The following DLG2 variants were observed in gnomAD, a reference collection of about 807,000 sequenced individuals.
DLG2 encodes the protein discs large MAGUK scaffold protein 2.
A neutral mutation model predicts 132.5 loss-of-function variants in DLG2; 45 were observed. That is an observed-to-expected ratio of 0.34 (90% CI 0.27 to 0.44). DLG2 has a LOEUF of 0.44. Ranked by LOEUF, DLG2 falls within the 20% of genes least tolerant of loss-of-function variation. The probability of loss-of-function intolerance (pLI) is 1.00; values close to 1 mark genes in which losing one functional copy is unlikely to be tolerated. For missense variants in DLG2, 1,045 were observed against 1,196.9 expected (o/e 0.87, Z 1.87); for synonymous variants, 424 against 419.6 (o/e 1.01, Z -0.13).
chr11:83,463,800 G>T (rs2090510791), intron 26 of DLG2, among the ~76,000 whole-genome samples: 1 of 152,176 alleles, frequency 6.6e-6, no homozygotes, highest in Non-Finnish European at 1.5e-5. Flanking sequence ...CTCAAAGAAA[G>T]AAATCACATA....
At chr11:83,905,779 C>T (rs2154103926) in intron 15 of DLG2, among the ~76,000 whole-genome samples, 1 of 152,226 alleles carries the variant, frequency 6.6e-6, no homozygotes, top group South Asian at 2.1e-4. Flanking sequence ...TTGCTTTTTA[C>T]ATCTTAATGG....
intron 3 of DLG2, among the ~76,000 whole-genome samples, chr11:85,447,099 T>C (rs2092045138): frequency 6.6e-6 from 1 of 152,154 alleles, no homozygotes; most frequent in South Asian, 2.1e-4. Context: ...GTACAGAAGT[T>C]CTAATCTGCC....
At chr11:84,714,623 T>TCTC (rs2060950060) in intron 6 of DLG2, among the ~76,000 whole-genome samples, 3 of 104,992 alleles carry the variant, frequency 2.9e-5, no homozygotes, top group Admixed American at 9.2e-5. Flanking sequence ...CTCTTTCTCT[T>TCTC]TCTCTCTCTC....
At chr11:84,535,800 G>C (rs1030984439) in intron 6 of DLG2, among the ~76,000 whole-genome samples, 1 of 152,096 alleles carries the variant, frequency 6.6e-6, no homozygotes, top group Non-Finnish European at 1.5e-5. Flanking sequence ...GTGTTAGTTT[G>C]CTTTACTTTG....
At chr11:83,625,329 A>T (rs2062329917) in intron 19 of DLG2, among the ~76,000 whole-genome samples, 1 of 152,230 alleles carries the variant, frequency 6.6e-6, no homozygotes. Context: ...AGCAGCTTGT[A>T]CCACTGGAGT....
At chr11:85,177,365 T>C (rs996000867) in intron 4 of DLG2, among the ~76,000 whole-genome samples, 2 of 151,932 alleles carry the variant, frequency 1.3e-5, no homozygotes, top group Non-Finnish European at 2.9e-5. Flanking sequence ...ATCATGTCCT[T>C]TGCAGGGACA....
chr11:83,685,599 G>C (rs1292730089), intron 18 of DLG2, among the ~76,000 whole-genome samples: 2 of 152,000 alleles, frequency 1.3e-5, no homozygotes, highest in Admixed American at 6.6e-5. Flanking sequence ...GTGTCCCCAA[G>C]TTTGTCATTA....
intron 7 of DLG2, among the ~76,000 whole-genome samples, chr11:84,480,969 C>T (rs898049078): frequency 1.3e-5 from 2 of 151,864 alleles, no homozygotes; most frequent in South Asian, 4.2e-4. Context: ...GAACTCCTTA[C>T]CTCAGGTGGT....
At chr11:84,792,699 T>A (rs992582148) in intron 6 of DLG2, among the ~76,000 whole-genome samples, 1 of 152,124 alleles carries the variant, frequency 6.6e-6, no homozygotes, top group African/African-American at 2.4e-5. Context: ...ATTTACCAGT[T>A]TATTGACATA....
At chr11:85,185,089 C>G (rs2079995975) in intron 4 of DLG2, among the ~76,000 whole-genome samples, 1 of 151,796 alleles carries the variant, frequency 6.6e-6, no homozygotes, top group Non-Finnish European at 1.5e-5. Flanking sequence ...TCTTTTATTT[C>G]CAATGGATGA....
chr11:84,534,821 G>A, intron 6 of DLG2, 90 bp from the exon 7 acceptor site: 1 of 1,441,538 alleles, frequency 6.9e-7, no homozygotes. Context: ...TTCATCAATA[G>A]GACACAGTGT....
chr11:84,881,848 T>A (rs1438176453), intron 6 of DLG2, among the ~76,000 whole-genome samples: 4 of 152,128 alleles, frequency 2.6e-5, no homozygotes, highest in Non-Finnish European at 5.9e-5. Flanking sequence ...CTACACCTCT[T>A]ATAACTTTTA....
At chr11:85,306,377 G>A (rs1045863817) in intron 3 of DLG2, among the ~76,000 whole-genome samples, 2 of 152,186 alleles carry the variant, frequency 1.3e-5, no homozygotes, top group African/African-American at 4.8e-5. Context: ...GACCCAAGTA[G>A]GAGGAATGGA....
intron 19 of DLG2, among the ~76,000 whole-genome samples, chr11:83,577,894 G>A (rs1415213965): frequency 7.8e-4 from 83 of 106,052 alleles, no homozygotes; most frequent in African/African-American, 2.4e-3. Context: ...ATATATAAAT[G>A]GAAGTTTATA....
intron 6 of DLG2, among the ~76,000 whole-genome samples, chr11:84,764,875 A>G (rs1433197655): frequency 2.0e-5 from 3 of 152,052 alleles, no homozygotes; most frequent in African/African-American, 4.8e-5. Flanking sequence ...TGAAAGGGGA[A>G]ATGTAGGCAG....
chr11:84,510,954 G>A (rs1347833342), intron 7 of DLG2, among the ~76,000 whole-genome samples: 1 of 152,028 alleles, frequency 6.6e-6, no homozygotes, highest in Non-Finnish European at 1.5e-5. Context: ...AGCCGAAAGA[G>A]GAGACCCCTA....
intron 5 of DLG2, among the ~76,000 whole-genome samples, chr11:85,134,784 A>G (rs1318434544): frequency 1.3e-5 from 2 of 152,110 alleles, no homozygotes; most frequent in Non-Finnish European, 2.9e-5. Flanking sequence ...GGAAAAAAAG[A>G]AGAAAAGACA....
intron 17 of DLG2, among the ~76,000 whole-genome samples, chr11:83,791,779 CG>C (rs1390071696): frequency 6.6e-6 from 1 of 152,142 alleles, no homozygotes; most frequent in African/African-American, 2.4e-5. Context: ...CGAAGGTGGC[CG>C]GGCTACGCTT....
intron 3 of DLG2, among the ~76,000 whole-genome samples, chr11:85,297,932 C>T (rs2079342354): frequency 6.6e-6 from 1 of 152,064 alleles, no homozygotes; most frequent in South Asian, 2.1e-4. Context: ...TACATAATGT[C>T]TGAGCATGGA....
Sources: gnomAD v4.1 joint callset for allele counts (sites outside exome capture counted in the v4.1 genomes callset) on GRCh38, gnomAD v4.1.1 for gene constraint, MANE v1.5 for transcripts, NCBI Gene and HGNC (gene_info 2026-07-23, HGNC 2026-07-21) for gene names.